NLRP2: variants seen among roughly 807,000 people sequenced by gnomAD.
NLRP2 encodes NLR family pyrin domain containing 2.
Under a neutral mutation model 97.2 loss-of-function variants are expected in NLRP2, and 107 were observed. That is an observed-to-expected ratio of 1.10 (90% CI 0.94 to 1.29). The LOEUF is 1.29. Among genes scored for constraint, NLRP2 ranks in the 50% most tolerant of loss-of-function variants. The probability of loss-of-function intolerance (pLI) is 0.00; values close to 1 mark genes in which losing one functional copy is unlikely to be tolerated. For missense variants in NLRP2, 1,495 were observed against 1,330.3 expected, an observed-to-expected ratio of 1.12 and a Z score of -1.93; for synonymous variants, 663 against 551.5, an observed-to-expected ratio of 1.20 and a Z score of -2.83.
At chr19:54,987,093 C>T (rs756981759) in intron 8 of NLRP2, among the ~76,000 whole-genome samples, 37 of 151,744 alleles carry the variant, frequency 2.4e-4, no homozygotes, top group Non-Finnish European at 4.9e-4. Context: ...CCACATTGGC[C>T]AGGCTGGTCT....
In NLRP2 at chr19:54,999,024, C is replaced by G. The variant is rs113783370; in HGVS notation, c.3050+1537C>G. The stretch of plus-strand genomic sequence containing the variant: ...CAGAACAAAATGGGGGGCTGACCCC[C>G]CCACCTCCCTCCCGGACAGGGCGGC... On this transcript the variant is annotated intron_variant, in intron 12 of 12. Coordinates refer to ENST00000448584, the MANE Select transcript of NLRP2 (RefSeq NM_017852.5). Among the ~76,000 whole-genome samples, 342 of 150,018 alleles carry G rather than the reference C, an allele frequency of 2.3e-3. 4 individuals are homozygous for G. The highest frequency in any genetic ancestry group is 8.2e-3 in the African/African-American group (325 of 39,836).
At chr19:54,983,964 C>T (rs556743122) in intron 6 of NLRP2, among the ~76,000 whole-genome samples, 5 of 152,278 alleles carry the variant, frequency 3.3e-5, no homozygotes, top group African/African-American at 1.2e-4. Context: ...GATTCTTCTG[C>T]CTCAGCCTCC....
chr19:54,970,227 C>T lies in NLRP2; in HGVS notation c.212C>T (p.Ala71Val), dbSNP rs1346046263. 3.1e-6 allele frequency: 5 copies of T among 1,614,158 alleles called. No homozygotes were observed. In the East Asian group the frequency reaches 6.7e-5, roughly 22 times the overall value. The change falls in exon 2 of 13, where the codon GCG becomes GTG. Residue 71 changes from alanine to valine, a missense_variant. Transcript: ENST00000448584. ...THCDSYWVEM[A>V]SLQVFEKMHR... The stretch of plus-strand genomic sequence containing the variant: ...TGTGACAGCTACTGGGTGGAGATGG[C>T]GAGCCTCCAGGTCTTTGAAAAGATG...
chr19:54,973,173 A>G (rs1407815461), intron 2 of NLRP2, among the ~76,000 whole-genome samples: 2 of 151,458 alleles, frequency 1.3e-5, no homozygotes, highest in Non-Finnish European at 2.9e-5. Flanking sequence ...CCTGGGTGAC[A>G]GCAAGACTCC....
rs1420406358 is a variant in NLRP2, at chr19:55,000,672, C to G, written c.3051-88C>G. On this transcript the variant is annotated intron_variant, in intron 12 of 12. Coordinates refer to ENST00000448584, the MANE Select transcript of NLRP2 (RefSeq NM_017852.5). ...AGGAAAGGTGACCCATGCCCTGTGC[C>G]TCCTTAACAGACTTTCAGGTACTTG... 5 of 1,378,682 alleles carry G rather than the reference C, an allele frequency of 3.6e-6. No homozygotes were observed. In the African/African-American group the frequency reaches 5.7e-5, roughly 16 times the overall value. The allele number at this position is 1,378,682 out of a possible 1,614,324, so 85.4% of individuals were successfully genotyped here.
At chr19:54,986,045 G>C (rs1372109014) in intron 7 of NLRP2, 106 bp from the exon 8 acceptor site, 8 of 803,082 alleles carry the variant, frequency 1.0e-5, no homozygotes, top group African/African-American at 6.9e-5. Context: ...ATTTAAACAT[G>C]GAAAAAATAG....
At chr19:54,987,436 T>A (rs2072169341) in intron 8 of NLRP2, among the ~76,000 whole-genome samples, 1 of 152,106 alleles carries the variant, frequency 6.6e-6, no homozygotes, top group African/African-American at 2.4e-5. Context: ...TTGGCCACAC[T>A]GGTGTAGTAG....
Position 54,982,283 on chromosome 19 carries a change from C to G in NLRP2, c.585C>G (p.Phe195Leu). 6.2e-7 allele frequency: 1 copy of G among 1,613,896 alleles called. No individual in the cohort carries two copies. The highest frequency in any genetic ancestry group is 8.5e-7 in the Non-Finnish European group (1 of 1,179,962). The change falls in exon 6 of 13, where the codon TTC (phenylalanine) becomes TTG (leucine). Residue 195 changes from phenylalanine (F) to leucine (L), a missense_variant. Transcript: ENST00000448584. ...MAERYKMLIP[F>L]SNPRVLPGPF... ...AGAGATACAAGATGCTGATCCCATT[C>G]AGCAACCCCAGGGTGCTTCCCGGGC...
intron 1 of NLRP2, among the ~76,000 whole-genome samples, chr19:54,968,621 C>T (rs1372311769): frequency 1.3e-5 from 2 of 151,564 alleles, no homozygotes; most frequent in African/African-American, 4.8e-5. Flanking sequence ...TGAGCCATGG[C>T]CCCCCGGCCA....
intron 4 of NLRP2, among the ~76,000 whole-genome samples, chr19:54,979,610 C>T (rs1337679639): frequency 4.0e-5 from 6 of 151,812 alleles, no homozygotes; most frequent in African/African-American, 1.2e-4. Context: ...TTCGGCCTCC[C>T]AAAGTGCTGG....
At chr19:54,997,558 A>G in intron 12 of NLRP2, 71 bp downstream of exon 12, 1 of 1,497,264 alleles carries the variant, frequency 6.7e-7, no homozygotes, top group Non-Finnish European at 9.3e-7. Context: ...AATGACATGG[A>G]CCTGCTGTAG....
chr19:54,985,257 A>G, intron 7 of NLRP2, 40 bp downstream of exon 7: 1 of 1,579,092 alleles, frequency 6.3e-7, no homozygotes, highest in South Asian at 1.1e-5. Context: ...TCCTTAGGGT[A>G]TGAAAATGGT....
chr19:54,988,054 A>G (rs2072215768), intron 8 of NLRP2, among the ~76,000 whole-genome samples: 2 of 152,162 alleles, frequency 1.3e-5, no homozygotes, highest in Non-Finnish European at 2.9e-5. Flanking sequence ...GAGGACAGAA[A>G]AAAAATTGAT....
In NLRP2 at chr19:54,985,096, A is replaced by G; in HGVS notation, c.2080A>G (p.Ile694Val). The G allele has an allele frequency of 6.2e-7, 1 of 1,614,076 alleles. No individual in the cohort carries two copies. Among genetic ancestry groups the G allele is most frequent in the Non-Finnish European group, 8.5e-7 (1 of 1,179,952 alleles). Reference protein sequence around the residue: ...MLPFWTDLCSIFGSNKDLMGL... With the variant: ...MLPFWTDLCSVFGSNKDLMGL... ...TCCTTTCTGGACGGACCTTTGTTCC[A>G]TATTTGGATCAAATAAGGATCTGAT... Residue 694 changes from isoleucine to valine, a missense_variant, in exon 7 of 13, where the codon ATA becomes GTA. Coordinates refer to ENST00000448584, the MANE Select transcript of NLRP2 (RefSeq NM_017852.5).
chr19:54,993,847 C>T (rs2072645436), intron 10 of NLRP2: 1 of 296,112 alleles, frequency 3.4e-6, no homozygotes, highest in Admixed American at 4.8e-5. Flanking sequence ...CTTTTTACTT[C>T]TCCAACTTCT....
At chr19:54,989,858 GTGCATGCC>G in intron 8 of NLRP2, 156 bp from the exon 9 acceptor site, 1 of 699,368 alleles carries the variant, frequency 1.4e-6, no homozygotes, top group Non-Finnish European at 2.5e-6. Context: ...TTGGTGCATG[GTGCATGCC>G]TGCAGTCCCA....
Position 54,975,106 on chromosome 19 carries a change from G to GTTTTTTTTTTTTT in NLRP2, c.325+587_325+599dup, listed in dbSNP as rs558518586. Among the ~76,000 whole-genome samples the GTTTTTTTTTTTTT allele has an allele frequency of 2.6e-3, 155 of 58,706 alleles. 33 individuals are homozygous for GTTTTTTTTTTTTT. Among genetic ancestry groups the GTTTTTTTTTTTTT allele is most frequent in the Non-Finnish European group, 4.1e-3 (119 of 28,946 alleles). The allele number at this position is 58,706 out of a possible 152,430, so 38.5% of individuals were successfully genotyped here. On this transcript the variant is annotated intron_variant, in intron 3 of 12. Transcript: ENST00000448584. ...ATGAGCCACCACCACACCCGGTTTT[G>GTTTTTTTTTTTTT]TTTTTTTTTTTTTTTTTTTTTTTTT...
rs73609938 is a variant in NLRP2 at position 54,996,477 on chromosome 19, C to T, written c.2880-840C>T. On this transcript the variant is annotated intron_variant, in intron 11 of 12. Transcript: ENST00000448584. ...GAGATCATGCCACAGCACTCCAGCC[C>T]TGGCGAGAGAGCAAGACTGTCTCAA... Among the ~76,000 whole-genome samples the T allele has an allele frequency of 9.1e-3, 1,387 of 152,226 alleles. 16 individuals are homozygous for T. Among genetic ancestry groups the T allele is most frequent in the African/African-American group, 0.032 (1,319 of 41,506 alleles).
At chr19:54,979,353 T>C (rs2071431908) in intron 4 of NLRP2, among the ~76,000 whole-genome samples, 1 of 152,062 alleles carries the variant, frequency 6.6e-6, no homozygotes, top group Non-Finnish European at 1.5e-5. Flanking sequence ...CATTTTTGTT[T>C]TTTCTTGAGA....
Sources: gnomAD v4.1 joint callset for allele counts (sites outside exome capture counted in the v4.1 genomes callset) on GRCh38, gnomAD v4.1.1 for gene constraint, MANE v1.5 for transcripts, NCBI Gene and HGNC (gene_info 2026-07-23, HGNC 2026-07-21) for gene names.